Variants in ANHX observed in about 807,000 individuals in gnomAD.
ANHX encodes the protein anomalous homeobox, also known as anomalous homeobox protein.
In ANHX, 20 loss-of-function variants were observed where a neutral mutation model predicts 38.9. The observed-to-expected ratio is 0.51, with a 90% CI of 0.36 to 0.75. The LOEUF is 0.75. Among genes scored for constraint, ANHX ranks in the 30% least tolerant of loss-of-function variants. The pLI, the probability that ANHX is intolerant of heterozygous loss-of-function variation, is 0.00. For synonymous variants in ANHX, 185 were observed against 203.1 expected, an observed-to-expected ratio of 0.91 and a Z score of 0.76; for missense variants, 475 against 493.1, an observed-to-expected ratio of 0.96 and a Z score of 0.35.
chr12:133,234,269 G>T lies in ANHX; in HGVS notation c.88C>A (p.Arg30=), dbSNP rs373867978. The change falls in exon 2 of 10, where the codon CGG becomes AGG. Residue 30 remains arginine (R), a synonymous_variant. Coordinates refer to ENST00000545940, the MANE Select transcript of ANHX (RefSeq NM_001372060.1). ...TGGGCAAGGTCATCCTGGAAGTCCC[G>T]GCACAGTCTGCCCGCAAGGGTCACC... The part of the protein sequence containing the change: ...ELVTLAGRLC[R]DFQDDLAQLQ... 1 of 1,536,156 alleles carries T rather than the reference G, an allele frequency of 6.5e-7. No homozygotes were observed. The highest frequency in any genetic ancestry group is 2.4e-5 in the East Asian group (1 of 40,924).
chr12:133,232,929 C>T (rs1443715481), intron 2 of ANHX, among the ~76,000 whole-genome samples: 1 of 152,024 alleles, frequency 6.6e-6, no homozygotes, highest in African/African-American at 2.4e-5. Flanking sequence ...GACAAACAAC[C>T]TTCTAGTTAC....
At chr12:133,220,076 G>A (rs1031842216) in intron 8 of ANHX, among the ~76,000 whole-genome samples, 1 of 152,106 alleles carries the variant, frequency 6.6e-6, no homozygotes, top group African/African-American at 2.4e-5. Flanking sequence ...GCAGATCCAT[G>A]GTCCTGGGTG....
In ANHX at chr12:133,219,363, G is replaced by C. The variant is rs1957077374; in HGVS notation, c.1285C>G (p.Pro429Ala). 1.3e-6 allele frequency: 2 copies of C among 1,528,136 alleles called. No homozygotes were observed. The highest frequency in any genetic ancestry group is 1.7e-6 in the Non-Finnish European group (2 of 1,143,134). 94.7% of individuals were successfully genotyped at this position (1,528,136 alleles called of 1,614,324 possible). The change falls in exon 9 of 10, where the codon CCA becomes GCA. Residue 429 changes from proline to alanine, a missense_variant. Transcript: ENST00000545940. ...GCAGATGGGGCTGGGGCCAGCTCTG[G>C]AGGGCTGGAAAAGAGACAGTGTAAG... ...APEFILTQSPPELAPAPSAFP... is the reference protein window; with the variant it reads ...APEFILTQSPAELAPAPSAFP...
intron 7 of ANHX, among the ~76,000 whole-genome samples, chr12:133,223,427 C>G (rs1271318282): frequency 6.7e-6 from 1 of 150,116 alleles, no homozygotes; most frequent in Non-Finnish European, 1.5e-5. Context: ...ATGCCCAGAG[C>G]TTACAGGAGA....
chr12:133,233,525 T>C (rs1445635847), intron 2 of ANHX, among the ~76,000 whole-genome samples: 1 of 152,184 alleles, frequency 6.6e-6, no homozygotes, highest in African/African-American at 2.4e-5. Flanking sequence ...GCACACGACA[T>C]GCACCACTCA....
chr12:133,234,582 A>C, intron 1 of ANHX: 1 of 578,916 alleles, frequency 1.7e-6, no homozygotes, highest in Non-Finnish European at 3.0e-6. Context: ...TCCCCCAAAT[A>C]CTTTAGTCCT....
chr12:133,222,847 AG>A (rs1161584098), intron 7 of ANHX, among the ~76,000 whole-genome samples: 4 of 152,234 alleles, frequency 2.6e-5, no homozygotes, highest in African/African-American at 9.6e-5. Context: ...CAATCTATGA[AG>A]GAAGAAGAGT....
At chr12:133,226,481 G>A in intron 5 of ANHX, 43 bp from the exon 6 acceptor site, 5 of 1,506,222 alleles carry the variant, frequency 3.3e-6, no homozygotes, top group Non-Finnish European at 4.4e-6. Context: ...TGAGGCTCTG[G>A]TTCCCAACCT....
At chr12:133,228,609 GA>G (rs1957225422) in intron 3 of ANHX, among the ~76,000 whole-genome samples, 1 of 152,128 alleles carries the variant, frequency 6.6e-6, no homozygotes, top group African/African-American at 2.4e-5. Flanking sequence ...GTTCTCAGAA[GA>G]GAAGCACCAC....
intron 3 of ANHX, among the ~76,000 whole-genome samples, chr12:133,229,411 C>G (rs895442169): frequency 1.3e-5 from 2 of 152,110 alleles, no homozygotes; most frequent in Non-Finnish European, 2.9e-5. Flanking sequence ...CTCCATCCCC[C>G]CTCTCCAGAC....
intron 2 of ANHX, among the ~76,000 whole-genome samples, chr12:133,231,888 C>T (rs918541137): frequency 6.6e-6 from 1 of 152,204 alleles, no homozygotes; most frequent in African/African-American, 2.4e-5. Context: ...TGCCAGGTCA[C>T]CTCATAGACC....
Position 133,234,728 on chromosome 12 carries a change from A to G in ANHX, c.-22-350T>C, listed in dbSNP as rs569871948. On this transcript the variant is annotated intron_variant, in intron 1 of 9. Coordinates refer to ENST00000545940, the MANE Select transcript of ANHX (RefSeq NM_001372060.1). ...ATGCCAAGGCCTTTCATCTGAACCC[A>G]CATACATGCACTTGTTTTAACAGCA... 619 of 236,266 alleles carry G rather than the reference A, an allele frequency of 2.6e-3. 2 individuals carry two copies. Among genetic ancestry groups the G allele is most frequent in the Non-Finnish European group, 2.4e-3 (289 of 119,444 alleles). The allele number at this position is 236,266 out of a possible 1,614,324, so 14.6% of individuals were successfully genotyped here. A position where few individuals can be genotyped will look rare whatever the true frequency, so the allele number is the denominator to read the frequency against.
Position 133,227,064 on chromosome 12 carries a change from TG to T in ANHX, c.589del (p.Gln197SerfsTer3). The T allele has an allele frequency of 6.5e-7, 1 of 1,536,062 alleles. No homozygotes were observed. Among genetic ancestry groups the T allele is most frequent in the Non-Finnish European group, 8.7e-7 (1 of 1,146,864 alleles). ...GGCCTGCTGGGCTGGCTTCATGTGC[TG>T]GGGAAGGGCTCTTTGGCGGCGCCGG... Reference protein sequence around the residue: ...NYRRRQRALPQHMKPAQQATA... With the variant: ...NYRRRQRALPXHMKPAQQATA... On this transcript the variant is annotated frameshift_variant, in exon 5 of 10. Coordinates refer to ENST00000545940, the MANE Select transcript of ANHX (RefSeq NM_001372060.1). LOFTEE classifies it high-confidence loss of function.
chr12:133,219,496 C>A, intron 8 of ANHX, 129 bp from the exon 9 acceptor site: 1 of 644,168 alleles, frequency 1.6e-6, no homozygotes, highest in East Asian at 2.8e-5. Flanking sequence ...AACAGACTCT[C>A]TTCCTGCAGG....
At chr12:133,228,453 C>G (rs1957221768) in intron 3 of ANHX, among the ~76,000 whole-genome samples, 1 of 152,176 alleles carries the variant, frequency 6.6e-6, no homozygotes, top group Non-Finnish European at 1.5e-5. Flanking sequence ...CAGCCCCATT[C>G]TTGCATGAGT....
At chr12:133,223,848 C>A (rs868239414) in intron 7 of ANHX, among the ~76,000 whole-genome samples, 1 of 151,610 alleles carries the variant, frequency 6.6e-6, no homozygotes, top group Non-Finnish European at 1.5e-5. Flanking sequence ...TTAAGACCCA[C>A]CCCCCCAAAA....
Position 133,221,334 on chromosome 12 carries a change from C to T in ANHX, c.1151G>A (p.Ser384Asn). 6.5e-7 allele frequency: 1 copy of T among 1,535,538 alleles called. No individual in the cohort carries two copies. Among genetic ancestry groups the T allele is most frequent in the Non-Finnish European group, 8.7e-7 (1 of 1,146,660 alleles). ...PSPTGFSGPP[S>N]GHPQSVQLEE... ...CAATTGCACGCTCTGGGGATGGCCG[C>T]TGGGGGGGCCAGAAAACCCTGCATG... The change falls in exon 8 of 10, where the codon AGC (serine) becomes AAC (asparagine). Residue 384 changes from serine to asparagine, a missense_variant. Coordinates refer to ENST00000545940, the MANE Select transcript of ANHX (RefSeq NM_001372060.1). The surrounding 1 kb of genome is among the most constrained non-coding windows in gnomAD (Gnocchi z 4.1).
Position 133,221,306 on chromosome 12 carries a change from C to G in ANHX, c.1179G>C (p.Glu393Asp), listed in dbSNP as rs1045124537. 1 of 1,536,044 alleles carries G rather than the reference C, an allele frequency of 6.5e-7. No homozygotes were observed. Among genetic ancestry groups the G allele is most frequent in the East Asian group, 2.4e-5 (1 of 40,918 alleles). Reference sequence around the variant, plus strand: ...GTCCACTGCTTGTGCCCAGACCCTCCTCCAATTGCACGCTCTGGGGATGGC... The same window carrying G: ...GTCCACTGCTTGTGCCCAGACCCTCGTCCAATTGCACGCTCTGGGGATGGC... ...PSGHPQSVQLEEGLGTSSGRT... is the reference protein window; with the variant it reads ...PSGHPQSVQLDEGLGTSSGRT... The change falls in exon 8 of 10, where the codon GAG becomes GAC. Residue 393 changes from glutamate (E) to aspartate (D), a missense_variant. Coordinates refer to ENST00000545940, the MANE Select transcript of ANHX (RefSeq NM_001372060.1). The surrounding 1 kb of genome is among the most constrained non-coding windows in gnomAD (Gnocchi z 4.1).
chr12:133,224,741 G>A (rs1467836362), intron 7 of ANHX, among the ~76,000 whole-genome samples: 12 of 150,420 alleles, frequency 8.0e-5, no homozygotes, highest in African/African-American at 1.2e-4. Flanking sequence ...CGAGGCGGGC[G>A]GATCATGAGG....
Sources: gnomAD v4.1 joint callset for allele counts (sites outside exome capture counted in the v4.1 genomes callset) on GRCh38, gnomAD v4.1.1 for gene constraint, Gnocchi (gnomAD v3.1) non-coding constraint, MANE v1.5 for transcripts, NCBI Gene and HGNC (gene_info 2026-07-23, HGNC 2026-07-21) for gene names.